The following FSD2 variants were observed in gnomAD, a reference collection of about 807,000 sequenced individuals.
FSD2 encodes the protein fibronectin type III and SPRY domain-containing protein 2.
FSD2 carries 71 observed loss-of-function variants against 80.4 expected under a neutral mutation model. That is an observed-to-expected ratio of 0.88 (90% confidence interval 0.73 to 1.08). FSD2 has a LOEUF of 1.08. Among genes scored for constraint, FSD2 ranks in the 50% least tolerant of loss-of-function variants. The pLI is 0.00. For missense variants in FSD2, 923 were observed against 913.8 expected, an observed-to-expected ratio of 1.01 and a Z score of -0.13; for synonymous variants, 361 against 329.5, an observed-to-expected ratio of 1.10 and a Z score of -1.03.
chr15:82,803,655 G>C (rs558893444), intron 1 of FSD2, among the ~76,000 whole-genome samples: 56 of 152,232 alleles, frequency 3.7e-4, no homozygotes, highest in African/African-American at 1.2e-3. Flanking sequence ...CCATGAATGA[G>C]AGCATGACAT....
rs1555478754 is a variant in FSD2 at position 82,782,104 on chromosome 15, T to TAAA, written c.966+688_966+690dup. Among the ~76,000 whole-genome samples, 1,061 of 118,930 alleles carry TAAA rather than the reference T, an allele frequency of 8.9e-3. 21 individuals carry two copies. The highest frequency in any genetic ancestry group is 0.02 in the Middle Eastern group (3 of 152). The allele number at this position is 118,930 out of a possible 152,430, so 78.0% of individuals were successfully genotyped here. On this transcript the variant is annotated intron_variant, in intron 4 of 12. Coordinates refer to ENST00000334574, the MANE Select transcript of FSD2 (RefSeq NM_001007122.4). Reference sequence around the variant, plus strand: ...ATAATAATAATAATAATAATAATAATAAAACTCTTGGCCGGGCATGGTGGC... The same window carrying TAAA: ...ATAATAATAATAATAATAATAATAATAAAAAAACTCTTGGCCGGGCATGGTGGC...
chr15:82,759,235 G>A lies in FSD2; in HGVS notation c.*113C>T. ...GCACACCAGTCAGATAATAGCATGA[G>A]CCATAAATTGTGCTGGGCACATGGT... On this transcript the variant is annotated 3_prime_UTR_variant, in exon 13 of 13. Transcript: ENST00000334574. 1.8e-6 allele frequency: 2 copies of A among 1,138,798 alleles called. No individual in the cohort carries two copies. Among genetic ancestry groups the A allele is most frequent in the Non-Finnish European group, 1.2e-6 (1 of 817,506 alleles). 70.5% of individuals were successfully genotyped at this position (1,138,798 alleles called of 1,614,324 possible). A position where few individuals can be genotyped will look rare whatever the true frequency, so the allele number is the denominator to read the frequency against.
At chr15:82,781,730 G>A (rs909714968) in intron 4 of FSD2, among the ~76,000 whole-genome samples, 1 of 152,048 alleles carries the variant, frequency 6.6e-6, no homozygotes, top group African/African-American at 2.4e-5. Flanking sequence ...TCTCCCCAGA[G>A]CTCCAAGAGG....
chr15:82,756,083 T>C lies in FSD2; in HGVS notation c.*3265A>G, dbSNP rs1567292908. On this transcript the variant is annotated 3_prime_UTR_variant, in exon 13 of 13. Coordinates refer to ENST00000334574, the MANE Select transcript of FSD2 (RefSeq NM_001007122.4). ...ATCTACCAACAGCAATTACACGCTTTCCATTGTCTTCCTATAGAAAATAGG... is the reference window on the plus strand; with the variant it reads ...ATCTACCAACAGCAATTACACGCTTCCCATTGTCTTCCTATAGAAAATAGG... 2.2e-6 allele frequency: 1 copy of C among 462,808 alleles called. No homozygotes were observed. Among genetic ancestry groups the C allele is most frequent in the Admixed American group, 2.1e-5 (1 of 47,280 alleles). 28.7% of individuals were successfully genotyped at this position (462,808 alleles called of 1,614,324 possible).
chr15:82,782,595 G>A (rs2049893561), intron 4 of FSD2, among the ~76,000 whole-genome samples, 200 bp downstream of exon 4: 1 of 152,200 alleles, frequency 6.6e-6, no homozygotes, highest in Non-Finnish European at 1.5e-5. Flanking sequence ...TCACGTGGAA[G>A]CCATGCAGAG....
intron 1 of FSD2, among the ~76,000 whole-genome samples, chr15:82,796,524 A>G (rs1332802260): frequency 6.6e-6 from 1 of 152,226 alleles, no homozygotes; most frequent in Admixed American, 6.5e-5. Context: ...AGCCACAATC[A>G]CCCAGACGAA....
chr15:82,764,492 C>CTTTTTTTTT lies in FSD2; in HGVS notation c.1820+665_1820+673dup, dbSNP rs60095355. On this transcript the variant is annotated intron_variant, in intron 11 of 12. Transcript: ENST00000334574. Reference sequence around the variant, plus strand: ...CTCTTGTTGCTTCATTCTTTACTTGCTTTTTTTTTTTTTTTTTTTTGAGAA... The same window carrying CTTTTTTTTT: ...CTCTTGTTGCTTCATTCTTTACTTGCTTTTTTTTTTTTTTTTTTTTTTTTTTTTTGAGAA... Among the ~76,000 whole-genome samples the CTTTTTTTTT allele has an allele frequency of 1.3e-3, 112 of 86,118 alleles. 7 individuals are homozygous for CTTTTTTTTT. Among genetic ancestry groups the CTTTTTTTTT allele is most frequent in the East Asian group, 6.4e-3 (20 of 3,104 alleles). The allele number at this position is 86,118 out of a possible 152,430, so 56.5% of individuals were successfully genotyped here. A position where few individuals can be genotyped will look rare whatever the true frequency, so the allele number is the denominator to read the frequency against.
intron 1 of FSD2, among the ~76,000 whole-genome samples, chr15:82,795,149 T>A (rs2050234594): frequency 6.6e-6 from 1 of 152,224 alleles, no homozygotes; most frequent in African/African-American, 2.4e-5. Context: ...TTTACATGAT[T>A]TATCTTTTTC....
At chr15:82,762,365 C>T (rs1468613419) in intron 11 of FSD2, 87 bp from the exon 12 acceptor site, 2 of 1,326,246 alleles carry the variant, frequency 1.5e-6, no homozygotes, top group Admixed American at 2.2e-5. Context: ...TGGGATCAGT[C>T]AGTCGGTGGT....
At chr15:82,768,717 A>G (rs566155084) in intron 9 of FSD2, among the ~76,000 whole-genome samples, 163 bp downstream of exon 9, 1 of 152,358 alleles carries the variant, frequency 6.6e-6, no homozygotes, top group South Asian at 2.1e-4. Flanking sequence ...CACCTTCAGT[A>G]ATAGCATTCC....
rs577743515 is a variant in FSD2 at position 82,756,730 on chromosome 15, G to C, written c.*2618C>G. On this transcript the variant is annotated 3_prime_UTR_variant, in exon 13 of 13. Transcript: ENST00000334574. ...CATATTCTTTTTCCCCTTTGTTAAG[G>C]TGGGGAGGCCACAGCTTATGTGAAT... 9 of 152,176 alleles carry C rather than the reference G, an allele frequency of 5.9e-5. No individual in the cohort carries two copies. Among genetic ancestry groups the C allele is most frequent in the Non-Finnish European group, 1.3e-4 (9 of 68,030 alleles). The allele number at this position is 152,176 out of a possible 1,614,324, so 9.4% of individuals were successfully genotyped here.
Position 82,755,950 on chromosome 15 carries a change from G to A in FSD2, c.*3398C>T, listed in dbSNP as rs776052437. On this transcript the variant is annotated 3_prime_UTR_variant, in exon 13 of 13. Coordinates refer to ENST00000334574, the MANE Select transcript of FSD2 (RefSeq NM_001007122.4). ...CTGGATTTGGTTATGTTCTTCTGGA[G>A]ACTAAGAAAATAGAGTCCTTGAAAT... 1.9e-6 allele frequency: 1 copy of A among 513,792 alleles called. No individual in the cohort carries two copies. Among genetic ancestry groups the A allele is most frequent in the East Asian group, 5.5e-5 (1 of 18,276 alleles). 31.8% of individuals were successfully genotyped at this position (513,792 alleles called of 1,614,324 possible). A position where few individuals can be genotyped will look rare whatever the true frequency, so the allele number is the denominator to read the frequency against.
At chr15:82,779,531 T>G (rs2049802221) in intron 5 of FSD2, among the ~76,000 whole-genome samples, 1 of 151,812 alleles carries the variant, frequency 6.6e-6, no homozygotes, top group African/African-American at 2.4e-5. Context: ...GCCAGGATGG[T>G]GGGGGACACC....
chr15:82,792,559 C>T (rs558048771), intron 1 of FSD2, among the ~76,000 whole-genome samples: 2 of 152,274 alleles, frequency 1.3e-5, no homozygotes, highest in South Asian at 4.1e-4. Context: ...TTCTTCTATT[C>T]TGTGAGGTGT....
intron 6 of FSD2, among the ~76,000 whole-genome samples, chr15:82,772,578 G>T (rs140389146): frequency 1.6e-4 from 24 of 152,286 alleles, no homozygotes; most frequent in African/African-American, 5.5e-4. Flanking sequence ...CAGCACTGCT[G>T]CCTCAGCAGA....
intron 1 of FSD2, among the ~76,000 whole-genome samples, chr15:82,789,303 T>G (rs1362606163): frequency 6.6e-6 from 1 of 151,710 alleles, no homozygotes; most frequent in Non-Finnish European, 1.5e-5. Context: ...GCCCATTATA[T>G]GTAGAATATC....
intron 11 of FSD2, among the ~76,000 whole-genome samples, chr15:82,763,809 A>T (rs2049344688): frequency 6.6e-6 from 1 of 152,174 alleles, no homozygotes; most frequent in Non-Finnish European, 1.5e-5. Context: ...CACATAGAGG[A>T]TAAAATCCTA....
At chr15:82,797,123 A>G (rs550605512) in intron 1 of FSD2, among the ~76,000 whole-genome samples, 2 of 152,264 alleles carry the variant, frequency 1.3e-5, no homozygotes, top group East Asian at 3.9e-4. Context: ...TGAATGCATA[A>G]GAAAAAATTT....
At chr15:82,780,524 A>G (rs2049829164) in intron 4 of FSD2, among the ~76,000 whole-genome samples, 1 of 151,738 alleles carries the variant, frequency 6.6e-6, no homozygotes, top group Non-Finnish European at 1.5e-5. Context: ...TAGTAGAGAC[A>G]GCGTTTTACC....
Sources: gnomAD v4.1 joint callset for allele counts (sites outside exome capture counted in the v4.1 genomes callset) on GRCh38, gnomAD v4.1.1 for gene constraint, MANE v1.5 for transcripts, NCBI Gene and HGNC (gene_info 2026-07-23, HGNC 2026-07-21) for gene names.